DRC11: variants seen among roughly 807,000 people sequenced by gnomAD.
DRC11 encodes dynein regulatory complex subunit 11, also known as IQ and AAA domain-containing protein 1.
the DRC11 span, among the ~76,000 whole-genome samples, chr2:236,397,234 A>G: frequency 1.3e-5 from 2 of 152,232 alleles, no homozygotes; most frequent in African/African-American, 4.8e-5. This position sits in a 1 kb window ranked among gnomAD's most constrained non-coding sequence, Gnocchi z 5.0. Context: ...CATGTCAGAC[A>G]TGAGCCCCTG....
At chr2:236,358,182 C>A in the DRC11 span, among the ~76,000 whole-genome samples, 2 of 116,438 alleles carry the variant, frequency 1.7e-5, no homozygotes, top group Admixed American at 9.5e-5. Context: ...TATATATACT[C>A]TATGAATATA....
At chr2:236,488,054 C>G in the DRC11 span, 1 of 1,606,090 alleles carries the variant, frequency 6.2e-7, no homozygotes, top group East Asian at 2.2e-5. Context: ...TGCCAAGCAT[C>G]TTGGATTGCT....
chr2:236,435,590 T>C, the DRC11 span, among the ~76,000 whole-genome samples: 2 of 152,094 alleles, frequency 1.3e-5, no homozygotes, highest in African/African-American at 2.4e-5. Context: ...ATGTCTTACA[T>C]GGTGGTAGGA....
At chr2:236,343,709 T>C in the DRC11 span, 169 of 1,303,774 alleles carry the variant, frequency 1.3e-4, no homozygotes, top group Non-Finnish European at 1.7e-4. The surrounding 1 kb of genome is among the most constrained non-coding windows in gnomAD (Gnocchi z 6.6). Context: ...TACCTACTTG[T>C]GGACCTTTTC....
chr2:236,457,139 G>A, the DRC11 span, among the ~76,000 whole-genome samples: 1 of 152,198 alleles, frequency 6.6e-6, no homozygotes, highest in African/African-American at 2.4e-5. The surrounding 1 kb of genome is among the most constrained non-coding windows in gnomAD (Gnocchi z 4.7). Context: ...CAAGCCATGA[G>A]AAATACCAAT....
the DRC11 span, among the ~76,000 whole-genome samples, chr2:236,376,484 T>G: frequency 1.3e-5 from 2 of 152,228 alleles, no homozygotes; most frequent in Admixed American, 1.3e-4. The surrounding 1 kb of genome is among the most constrained non-coding windows in gnomAD (Gnocchi z 5.7). Flanking sequence ...TGTGGTTATG[T>G]AGGAGAATGT....
At chr2:236,480,834 T>C in the DRC11 span, among the ~76,000 whole-genome samples, 1 of 152,234 alleles carries the variant, frequency 6.6e-6, no homozygotes, top group Admixed American at 6.5e-5. Context: ...TATTCCAGTC[T>C]TTTCTGTTTG....
the DRC11 span, chr2:236,419,382 T>C: frequency 3.5e-6 from 5 of 1,448,970 alleles, no homozygotes; most frequent in African/African-American, 4.3e-5. The surrounding 1 kb of genome is among the most constrained non-coding windows in gnomAD (Gnocchi z 4.8). Context: ...TCTCTCTGCC[T>C]GGCCCTGGAC....
the DRC11 span, among the ~76,000 whole-genome samples, chr2:236,444,779 A>G: frequency 2.6e-5 from 4 of 152,210 alleles, no homozygotes; most frequent in Non-Finnish European, 5.9e-5. Context: ...CAAACCTTTC[A>G]TTCATATAGT....
chr2:236,352,636 T>TTG, the DRC11 span, among the ~76,000 whole-genome samples: 1 of 152,204 alleles, frequency 6.6e-6, no homozygotes, highest in Admixed American at 6.5e-5. The surrounding 1 kb of genome is among the most constrained non-coding windows in gnomAD (Gnocchi z 7.0). Context: ...TCCCTCCACC[T>TTG]AGAATCAACC....
the DRC11 span, chr2:236,494,012 GA>G: frequency 1.6e-3 from 1,108 of 693,504 alleles, no homozygotes; most frequent in South Asian, 2.6e-3. This position sits in a 1 kb window ranked among gnomAD's most constrained non-coding sequence, Gnocchi z 4.2. Flanking sequence ...TTTCATTTAA[GA>G]AAAAAAAAAT....
At chr2:236,502,737 G>A in the DRC11 span, among the ~76,000 whole-genome samples, 1,834 of 151,884 alleles carry the variant, frequency 0.012, 46 homozygotes, top group African/African-American at 0.042. Context: ...GTACAGATCA[G>A]TGCAAGCAGA....
chr2:236,411,795 A>C, the DRC11 span, among the ~76,000 whole-genome samples: 2 of 147,044 alleles, frequency 1.4e-5, no homozygotes, highest in African/African-American at 2.5e-5. Context: ...CTATCGCAAG[A>C]ACAAAAAACC....
chr2:236,487,382 G>A, the DRC11 span, among the ~76,000 whole-genome samples: 2 of 152,116 alleles, frequency 1.3e-5, no homozygotes, highest in Non-Finnish European at 2.9e-5. Context: ...GGGAAAATTA[G>A]GGACAGAGTC....
At chr2:236,371,842 AT>A in the DRC11 span, among the ~76,000 whole-genome samples, 1 of 152,152 alleles carries the variant, frequency 6.6e-6, no homozygotes, top group Non-Finnish European at 1.5e-5. This position sits in a 1 kb window ranked among gnomAD's most constrained non-coding sequence, Gnocchi z 5.1. Flanking sequence ...TGAGCATCTT[AT>A]GTATGTCACT....
chr2:236,368,997 A>G, the DRC11 span: 1 of 152,224 alleles, frequency 6.6e-6, no homozygotes, highest in African/African-American at 2.4e-5. Flanking sequence ...CACCAAGAAA[A>G]TTAGTTTGGC....
the DRC11 span, among the ~76,000 whole-genome samples, chr2:236,417,609 G>A: frequency 3.3e-5 from 5 of 150,628 alleles, no homozygotes; most frequent in East Asian, 2.0e-4. Context: ...TGTGCAGAAC[G>A]TACAGGTTTG....
At chr2:236,352,121 A>G in the DRC11 span, among the ~76,000 whole-genome samples, 8 of 152,112 alleles carry the variant, frequency 5.3e-5, no homozygotes, top group African/African-American at 1.9e-4. This position sits in a 1 kb window ranked among gnomAD's most constrained non-coding sequence, Gnocchi z 7.0. Flanking sequence ...CCGGGCTGCC[A>G]AGGGGCAGCA....
the DRC11 span, among the ~76,000 whole-genome samples, chr2:236,501,588 C>G: frequency 2.0e-5 from 3 of 152,070 alleles, no homozygotes; most frequent in Non-Finnish European, 4.4e-5. Flanking sequence ...GGACAACGAT[C>G]AAGAACAGAG....
Sources: gnomAD v4.1 joint callset for allele counts (sites outside exome capture counted in the v4.1 genomes callset) on GRCh38, gnomAD v4.1.1 for gene constraint, Gnocchi (gnomAD v3.1) non-coding constraint, MANE v1.5 for transcripts, NCBI Gene and HGNC (gene_info 2026-07-23, HGNC 2026-07-21) for gene names.